Variants in PVT1 observed in about 807,000 individuals in gnomAD.
PVT1 encodes Pvt1 oncogene.
chr8:127,964,235 T>G lies in PVT1; in HGVS notation n.783-24927T>G, dbSNP rs148237145. On this transcript the variant is annotated intron_variant and non_coding_transcript_variant, in intron 3 of 10. Coordinates refer to ENST00000651587, the Ensembl canonical transcript of PVT1. ...TGTCATTCCCAGATGTTCGGTGGTG[T>G]GTTCCCTGCAGCAGGCCTGCATGCA... 1.7e-3 allele frequency among the ~76,000 whole-genome samples: 252 copies of G among 152,324 alleles called. 1 individual carries two copies. The highest frequency in any genetic ancestry group is 5.7e-3 in the African/African-American group (238 of 41,574).
At chr8:128,070,317 C>G (rs990024904) in exon 5 of PVT1, 9 of 152,230 alleles carry the variant, frequency 5.9e-5, no homozygotes, top group Non-Finnish European at 1.2e-4. Flanking sequence ...CACCTGTACC[C>G]ATATGGACTG....
rs1261410485 is a variant in PVT1, at chr8:127,984,903, TTCTTTCTTTCTTTCTTTC to T, written n.783-4251_783-4234del. ...TTTCTTTCTTTCTTTCTTTCTTTCT[TTCTTTCTTTCTTTCTTTC>T]TCTTTCTCTTTCTTTCTTTCTTTCC... On this transcript the variant is annotated intron_variant and non_coding_transcript_variant, in intron 3 of 10. Transcript: ENST00000651587. Among the ~76,000 whole-genome samples, 129 of 88,522 alleles carry T rather than the reference TTCTTTCTTTCTTTCTTTC, an allele frequency of 1.5e-3. 3 individuals carry two copies. Among genetic ancestry groups the T allele is most frequent in the African/African-American group, 4.4e-3 (120 of 27,208 alleles). 58.1% of individuals were successfully genotyped at this position (88,522 alleles called of 152,430 possible). A position where few individuals can be genotyped will look rare whatever the true frequency, so the allele number is the denominator to read the frequency against.
chr8:127,977,813 G>A (rs1257899095), intron 3 of PVT1, among the ~76,000 whole-genome samples: 2 of 152,178 alleles, frequency 1.3e-5, no homozygotes, highest in Admixed American at 1.3e-4. Flanking sequence ...TAAGCTTGAA[G>A]GCTTCTTATC....
chr8:127,883,611 T>G (rs1815493237), intron 2 of PVT1, among the ~76,000 whole-genome samples: 2 of 150,842 alleles, frequency 1.3e-5, no homozygotes, highest in Admixed American at 6.6e-5. Context: ...CCCTAAAACT[T>G]AAAGTATAAT....
At chr8:128,076,139 C>A (rs892904556) in intron 5 of PVT1, among the ~76,000 whole-genome samples, 2 of 152,188 alleles carry the variant, frequency 1.3e-5, no homozygotes, top group South Asian at 4.1e-4. Context: ...ACACAGTGAT[C>A]TGGTGTCTGC....
chr8:128,020,855 C>T (rs903285741), intron 4 of PVT1, among the ~76,000 whole-genome samples: 3 of 152,204 alleles, frequency 2.0e-5, no homozygotes, highest in Non-Finnish European at 4.4e-5. Flanking sequence ...TTTGCACTTT[C>T]GCAGGGGACC....
chr8:128,065,056 CA>C (rs1490990940), intron 4 of PVT1, among the ~76,000 whole-genome samples: 1 of 152,194 alleles, frequency 6.6e-6, no homozygotes, highest in Admixed American at 6.5e-5. Context: ...CAGAGGCCTA[CA>C]GGGGGAAGGA....
intron 5 of PVT1, among the ~76,000 whole-genome samples, chr8:128,075,219 CCTTT>C (rs1189887543): frequency 6.6e-6 from 1 of 151,890 alleles, no homozygotes; most frequent in Non-Finnish European, 1.5e-5. Flanking sequence ...CATGGAGATC[CCTTT>C]CTTTATTTTC....
At chr8:128,032,703 G>A (rs926495339) in intron 4 of PVT1, among the ~76,000 whole-genome samples, 10 of 152,218 alleles carry the variant, frequency 6.6e-5, no homozygotes, top group Non-Finnish European at 1.0e-4. Flanking sequence ...CATGTCTAGG[G>A]TGTGGCTGCC....
chr8:127,857,033 C>T (rs1815168976), intron 2 of PVT1, among the ~76,000 whole-genome samples: 1 of 152,072 alleles, frequency 6.6e-6, no homozygotes, highest in Admixed American at 6.5e-5. Context: ...CGAGACCAGC[C>T]TGGCCAACAT....
At chr8:128,011,668 G>A (rs1001175522) in intron 4 of PVT1, among the ~76,000 whole-genome samples, 3 of 152,178 alleles carry the variant, frequency 2.0e-5, no homozygotes, top group East Asian at 1.9e-4. Flanking sequence ...AACTAGGGCC[G>A]TCTTAGCTTC....
intron 4 of PVT1, among the ~76,000 whole-genome samples, chr8:128,022,862 ATTTTTTTTT>A (rs57327175): frequency 9.0e-5 from 12 of 133,996 alleles, no homozygotes; most frequent in African/African-American, 2.4e-4. Flanking sequence ...GCAAGCTGAG[ATTTTTTTTT>A]TTTTTTTTTT....
At chr8:128,090,096 A>G (rs770250706) in intron 5 of PVT1, among the ~76,000 whole-genome samples, 5 of 152,302 alleles carry the variant, frequency 3.3e-5, no homozygotes, top group African/African-American at 7.2e-5. Context: ...ACCTCACTCA[A>G]TCTATGGGAT....
At chr8:127,806,145 T>C (rs1814524001) in intron 2 of PVT1, among the ~76,000 whole-genome samples, 1 of 152,102 alleles carries the variant, frequency 6.6e-6, no homozygotes, top group Non-Finnish European at 1.5e-5. Context: ...GGGTGAAAGA[T>C]AGGACCATGC....
chr8:127,927,253 A>C (rs7821856), intron 3 of PVT1, among the ~76,000 whole-genome samples: 6 of 152,030 alleles, frequency 3.9e-5, no homozygotes, highest in Non-Finnish European at 1.5e-5. Flanking sequence ...AGTGACTAGC[A>C]TCGAGGGGAC....
intron 3 of PVT1, among the ~76,000 whole-genome samples, chr8:127,943,225 C>T (rs564003124): frequency 7.9e-5 from 12 of 152,236 alleles, no homozygotes; most frequent in Admixed American, 4.6e-4. Context: ...AGTAGCCTCC[C>T]GGTAATCTTA....
chr8:128,062,754 G>T (rs571773592), intron 4 of PVT1, among the ~76,000 whole-genome samples: 1 of 151,974 alleles, frequency 6.6e-6, no homozygotes, highest in Admixed American at 6.6e-5. Flanking sequence ...ACCACTAGTT[G>T]CTTGTGAATT....
intron 2 of PVT1, among the ~76,000 whole-genome samples, chr8:127,836,677 G>A (rs1157977060): frequency 6.6e-6 from 1 of 152,090 alleles, no homozygotes; most frequent in East Asian, 1.9e-4. Context: ...TGTGTTACAG[G>A]CACTGCTTTA....
chr8:127,933,435 A>G (rs1047662229), intron 3 of PVT1, among the ~76,000 whole-genome samples: 2 of 152,220 alleles, frequency 1.3e-5, no homozygotes, highest in South Asian at 2.1e-4. Context: ...TCCTGCATTT[A>G]GAAATAGAAC....
Sources: gnomAD v4.1 joint callset for allele counts (sites outside exome capture counted in the v4.1 genomes callset) on GRCh38, gnomAD v4.1.1 for gene constraint, MANE v1.5 for transcripts, NCBI Gene and HGNC (gene_info 2026-07-23, HGNC 2026-07-21) for gene names.